The following LNPEP variants were observed in gnomAD, a reference collection of about 807,000 sequenced individuals.
LNPEP encodes leucyl-cystinyl aminopeptidase.
In LNPEP, 64 loss-of-function variants were observed where a neutral mutation model predicts 120.6. The observed-to-expected ratio is 0.53, with a 90% confidence interval of 0.43 to 0.65. The LOEUF (loss-of-function observed/expected upper bound fraction) is 0.65, where lower values mean the gene tolerates loss of function less well. Among genes scored for constraint, LNPEP ranks in the 30% least tolerant of loss-of-function variants. The pLI, the probability that LNPEP is intolerant of heterozygous loss-of-function variation, is 0.00. For missense variants in LNPEP, 1,057 were observed against 1,200.0 expected, an observed-to-expected ratio of 0.88 and a Z score of 1.76; for synonymous variants, 435 against 425.4, an observed-to-expected ratio of 1.02 and a Z score of -0.28.
rs937449960 is a variant in LNPEP at position 97,029,651 on chromosome 5, T to A, written c.*1118T>A. 2 of 152,190 alleles carry A rather than the reference T, an allele frequency of 1.3e-5. No individual in the cohort carries two copies. Among genetic ancestry groups the A allele is most frequent in the Non-Finnish European group, 2.9e-5 (2 of 68,030 alleles). The allele number at this position is 152,190 out of a possible 1,614,324, so 9.4% of individuals were successfully genotyped here. A position where few individuals can be genotyped will look rare whatever the true frequency, so the allele number is the denominator to read the frequency against. ...GAACAAAGAGAATGTGGGATAGGAG[T>A]AACTTGAATTCGTGTTTAGTATGGT... On this transcript the variant is annotated 3_prime_UTR_variant, in exon 18 of 18. Transcript: ENST00000231368.
At position 97,003,456 on chromosome 5, in the gene LNPEP, AGAT is replaced by A; in HGVS notation, c.1697_1699del (p.Asp566del). 1 of 1,594,864 alleles carries A rather than the reference AGAT, an allele frequency of 6.3e-7. No homozygotes were observed. Among genetic ancestry groups the A allele is most frequent in the Non-Finnish European group, 8.6e-7 (1 of 1,166,624 alleles). ...TGATGTTGAAAACTTACCTTAGTGAAGATGTGTTTCAACATGCTGTTGTCCTTT... is the reference window on the plus strand; with the variant it reads ...TGATGTTGAAAACTTACCTTAGTGAAGTGTTTCAACATGCTGTTGTCCTTT... On this transcript the variant is annotated inframe_deletion, in exon 9 of 18. Transcript: ENST00000231368.
rs72775875 is a variant in LNPEP, at chr5:97,006,208, C to T, written c.1921C>T (p.Pro641Ser). 0.016 allele frequency: 25,450 copies of T among 1,602,906 alleles called. 274 individuals carry two copies. Among genetic ancestry groups the T allele is most frequent in the Non-Finnish European group, 0.018 (21,455 of 1,175,778 alleles). ...QQERFFLNMK[P>S]EIQPSDTSYL... is the part of the protein sequence containing the mutation. The stretch of plus-strand genomic sequence containing the variant: ...AGAGAGATTCTTTTTAAATATGAAG[C>T]CTGAAATTCAGCCTTCAGATACAAG... The change falls in exon 10 of 18, where the codon CCT becomes TCT. Residue 641 changes from proline (P) to serine (S), a missense_variant. Physicochemically the swap from Pro to Ser is moderately conservative, Grantham distance 74 (BLOSUM62 -1). Transcript: ENST00000231368.
intron 1 of LNPEP, among the ~76,000 whole-genome samples, chr5:96,975,465 C>T (rs887548924): frequency 5.9e-5 from 9 of 152,084 alleles, no homozygotes; most frequent in Non-Finnish European, 8.8e-5. Flanking sequence ...ACCTTTTTGA[C>T]GTGACTTGTA....
chr5:97,019,357 G>T (rs1791135642), intron 13 of LNPEP, among the ~76,000 whole-genome samples: 1 of 152,018 alleles, frequency 6.6e-6, no homozygotes, highest in African/African-American at 2.4e-5. Context: ...AAGGTAATTT[G>T]AAGCACATGC....
rs574576640 is a variant in LNPEP at position 97,032,670 on chromosome 5, G to A, written c.*4137G>A. ...GGTGGTGATGTTGAGAGGAGAGCAA[G>A]CTATATTCTTTTAAAAGTGTGTACA... On this transcript the variant is annotated 3_prime_UTR_variant, in exon 18 of 18. Transcript: ENST00000231368. 2 of 152,232 alleles carry A rather than the reference G, an allele frequency of 1.3e-5. No homozygotes were observed. Among genetic ancestry groups the A allele is most frequent in the East Asian group, 3.9e-4 (2 of 5,190 alleles). The allele number at this position is 152,232 out of a possible 1,614,324, so 9.4% of individuals were successfully genotyped here.
At position 96,963,471 on chromosome 5, in the gene LNPEP, G is replaced by A. The variant is rs141502290; in HGVS notation, c.20-15667G>A. ...GTCTAAGATAGTTTCACTCATATCT[G>A]CCAGTTGATGATGGCTTTTGACTGG... On this transcript the variant is annotated intron_variant, in intron 1 of 17. Coordinates refer to ENST00000231368, the MANE Select transcript of LNPEP (RefSeq NM_005575.3). Among the ~76,000 whole-genome samples, 126 of 152,282 alleles carry A rather than the reference G, an allele frequency of 8.3e-4. 1 individual carries two copies. The highest frequency in any genetic ancestry group is 2.7e-3 in the African/African-American group (113 of 41,568).
chr5:96,964,430 C>T (rs1470082608), intron 1 of LNPEP, among the ~76,000 whole-genome samples: 2 of 151,954 alleles, frequency 1.3e-5, no homozygotes, highest in African/African-American at 4.8e-5. Flanking sequence ...TTCTTATTTT[C>T]AGTGTATCCA....
intron 8 of LNPEP, 77 bp from the exon 9 acceptor site, chr5:97,003,338 G>A: frequency 4.6e-6 from 4 of 869,928 alleles, no homozygotes; most frequent in Non-Finnish European, 6.7e-6. Context: ...ACTGTAGTTT[G>A]AATTTTAGAT....
At chr5:96,999,565 T>TA (rs1582016891) in intron 8 of LNPEP, among the ~76,000 whole-genome samples, 1 of 152,216 alleles carries the variant, frequency 6.6e-6, no homozygotes, top group East Asian at 1.9e-4. Flanking sequence ...AAAGAAAATT[T>TA]AAAACTTGAG....
chr5:96,981,452 T>C (rs1199503812), intron 2 of LNPEP, among the ~76,000 whole-genome samples: 4 of 152,300 alleles, frequency 2.6e-5, no homozygotes, highest in Admixed American at 2.6e-4. Flanking sequence ...TAAAGAAACA[T>C]ATTTCATTTT....
intron 1 of LNPEP, among the ~76,000 whole-genome samples, chr5:96,954,906 C>T (rs1283141080): frequency 2.0e-4 from 29 of 148,350 alleles, no homozygotes; most frequent in Admixed American, 1.3e-3. Flanking sequence ...CCTCGGCCTC[C>T]GGAGTAGCTG....
intron 1 of LNPEP, among the ~76,000 whole-genome samples, chr5:96,960,227 C>T (rs962610856): frequency 5.3e-5 from 8 of 151,978 alleles, no homozygotes; most frequent in South Asian, 2.1e-4. Flanking sequence ...CGTGAGCCAC[C>T]GTGCCTGGCC....
rs1035345114 is a variant in LNPEP, at chr5:97,037,493, A to G, written c.*8960A>G. The G allele has an allele frequency of 1.3e-5, 2 of 152,184 alleles. No homozygotes were observed. Among genetic ancestry groups the G allele is most frequent in the Non-Finnish European group, 2.9e-5 (2 of 68,030 alleles). 9.4% of individuals were successfully genotyped at this position (152,184 alleles called of 1,614,324 possible). ...CTGTTGCTTTTTTTGTGAAATGAAAATAAAAGTATTTAAATACAAACATTG... is the reference window on the plus strand; with the variant it reads ...CTGTTGCTTTTTTTGTGAAATGAAAGTAAAAGTATTTAAATACAAACATTG... On this transcript the variant is annotated 3_prime_UTR_variant, in exon 18 of 18. Transcript: ENST00000231368.
At chr5:97,012,251 C>T (rs957614103) in intron 11 of LNPEP, among the ~76,000 whole-genome samples, 11 of 152,066 alleles carry the variant, frequency 7.2e-5, no homozygotes, top group African/African-American at 2.4e-4. Context: ...GCATATAGAT[C>T]TGCTGTATAA....
chr5:96,936,794 A>G (rs889296609), intron 1 of LNPEP: 2 of 150,872 alleles, frequency 1.3e-5, no homozygotes, highest in Admixed American at 1.3e-4. Context: ...GCATCCCCTC[A>G]CTGGCTGCAG....
chr5:96,962,089 A>C (rs1789620239), intron 1 of LNPEP, among the ~76,000 whole-genome samples: 1 of 152,184 alleles, frequency 6.6e-6, no homozygotes, highest in African/African-American at 2.4e-5. Flanking sequence ...GTTTATCTCT[A>C]GAATTTGTGG....
intron 1 of LNPEP, 33 bp downstream of exon 1, chr5:96,936,207 C>A: frequency 7.0e-7 from 1 of 1,422,448 alleles, no homozygotes. Flanking sequence ...GGGACCCGGG[C>A]TCTCCGGAGC....
At chr5:96,971,421 C>A (rs573721787) in intron 1 of LNPEP, among the ~76,000 whole-genome samples, 1 of 149,066 alleles carries the variant, frequency 6.7e-6, no homozygotes, top group South Asian at 2.1e-4. Context: ...CATTTTGGAT[C>A]TGGTAAGTGG....
In LNPEP at chr5:97,022,321, C is replaced by G; in HGVS notation, c.2398C>G (p.Gln800Glu). The G allele has an allele frequency of 3.7e-6, 6 of 1,608,850 alleles. No individual in the cohort carries two copies. The highest frequency in any genetic ancestry group is 5.1e-6 in the Non-Finnish European group (6 of 1,176,434). The change falls in exon 14 of 18, where the codon CAA becomes GAA. Residue 800 changes from glutamine (Q) to glutamate (E), a missense_variant. Gln to Glu is a conservative substitution (Grantham distance 29). Coordinates refer to ENST00000231368, the MANE Select transcript of LNPEP (RefSeq NM_005575.3). ...RLVTRVFKLL[Q>E]NQIQQQTWTD... The stretch of plus-strand genomic sequence containing the variant: ...CTAGACTAGGGTATTTAAATTACTT[C>G]AAAACCAAATTCAACAACAAACTTG...
Sources: allele counts gnomAD v4.1 joint callset (sites outside exome capture counted in the v4.1 genomes callset), GRCh38; gene constraint gnomAD v4.1.1; transcripts MANE v1.5; gene names NCBI Gene and HGNC (gene_info 2026-07-23, HGNC 2026-07-21).